Variants in TRIM34 observed in about 807,000 individuals in gnomAD.
TRIM34 encodes the protein tripartite motif containing 34, also known as E3 ubiquitin-protein ligase TRIM34.
TRIM34 carries 41 observed loss-of-function variants against 38.1 expected under a neutral mutation model. That is an observed-to-expected ratio of 1.08 (90% CI 0.84 to 1.40). The LOEUF (loss-of-function observed/expected upper bound fraction) is 1.40, where lower values mean the gene tolerates loss of function less well. TRIM34 is among the 40% of genes most tolerant of loss of function. The pLI is 0.00. For synonymous variants in TRIM34, 200 were observed against 202.5 expected (o/e 0.99, Z 0.10); for missense variants, 556 against 571.4 (o/e 0.97, Z 0.27).
At position 5,632,585 on chromosome 11, in the gene TRIM34, A is replaced by C; in HGVS notation, c.254A>C (p.Lys85Thr). The C allele has an allele frequency of 1.2e-6, 2 of 1,613,864 alleles. No individual in the cohort carries two copies. The highest frequency in any genetic ancestry group is 1.7e-6 in the Non-Finnish European group (2 of 1,179,968). Residue 85 changes from lysine (K) to threonine (T), a missense_variant, in exon 2 of 8, where the codon AAG (lysine) becomes ACG (threonine). By Grantham distance (78) the Lys-to-Thr change is moderately conservative. Transcript: ENST00000429814. Reference protein sequence around the residue: ...ANIVERLKEVKLSPDNGKKRD... With the variant: ...ANIVERLKEVTLSPDNGKKRD... Reference sequence around the variant, plus strand: ...ATAGTGGAGAGACTCAAGGAGGTCAAGTTGAGCCCAGACAATGGGAAGAAG... The same window carrying C: ...ATAGTGGAGAGACTCAAGGAGGTCACGTTGAGCCCAGACAATGGGAAGAAG...
intron 4 of TRIM34, among the ~76,000 whole-genome samples, chr11:5,635,546 G>A (rs1321783476): frequency 1.3e-5 from 2 of 152,078 alleles, no homozygotes; most frequent in Non-Finnish European, 2.9e-5. Flanking sequence ...CTGACCCACC[G>A]CACCCAGCCC....
At chr11:5,641,714 G>A (rs568762465) in intron 5 of TRIM34, among the ~76,000 whole-genome samples, 1 of 152,260 alleles carries the variant, frequency 6.6e-6, no homozygotes, top group South Asian at 2.1e-4. Flanking sequence ...ATTAATCTCT[G>A]CCAGTTCACA....
chr11:5,621,871 C>T (rs748705643), upstream of TRIM34, among the ~76,000 whole-genome samples: 2 of 152,060 alleles, frequency 1.3e-5, no homozygotes, highest in Admixed American at 6.6e-5. Context: ...CAGATGGAAC[C>T]AATGTACATC....
At chr11:5,636,570 A>G (rs139052229) in intron 4 of TRIM34, among the ~76,000 whole-genome samples, 1 of 152,286 alleles carries the variant, frequency 6.6e-6, no homozygotes, top group Non-Finnish European at 1.5e-5. Context: ...GCCCTTTTTT[A>G]TGGTTCTTCC....
chr11:5,634,079 C>T (rs910048763), intron 3 of TRIM34, among the ~76,000 whole-genome samples, 180 bp downstream of exon 3: 3 of 152,212 alleles, frequency 2.0e-5, no homozygotes, highest in African/African-American at 7.2e-5. Context: ...TACAATTACA[C>T]ATACATACCT....
chr11:5,639,901 A>C (rs1409752802), intron 4 of TRIM34, among the ~76,000 whole-genome samples: 2 of 152,172 alleles, frequency 1.3e-5, no homozygotes, highest in Non-Finnish European at 2.9e-5. Context: ...ACAGGTATAC[A>C]ATGCATAATA....
At chr11:5,634,910 G>C (rs760063922) in intron 4 of TRIM34, 49 bp downstream of exon 4, 1 of 1,574,326 alleles carries the variant, frequency 6.4e-7, no homozygotes, top group East Asian at 2.3e-5. Context: ...GTTCCCTCCT[G>C]TGTCCTTGCG....
At position 5,633,806 on chromosome 11, in the gene TRIM34, G is replaced by A. The variant is rs61758097; in HGVS notation, c.426G>A (p.Glu142=). The change falls in exon 3 of 8, where the codon GAG becomes GAA. Residue 142 remains glutamate (E), a splice_region_variant and synonymous_variant. Coordinates refer to ENST00000429814, the MANE Select transcript of TRIM34 (RefSeq NM_021616.6). The part of the protein sequence containing the change: ...LTEEVFKECQ[E]KLQAVLKRLK... ...GTAGTGTGATTCCCTTCTCATAGGA[G>A]AAACTCCAGGCAGTCCTCAAGAGGC... The A allele has an allele frequency of 1.2e-6, 2 of 1,613,482 alleles. No individual in the cohort carries two copies. The highest frequency in any genetic ancestry group is 2.2e-5 in the East Asian group (1 of 44,826).
At chr11:5,637,549 G>A (rs189001014) in intron 4 of TRIM34, among the ~76,000 whole-genome samples, 3 of 152,218 alleles carry the variant, frequency 2.0e-5, no homozygotes, top group African/African-American at 7.2e-5. Flanking sequence ...AGCTAAATGA[G>A]GGAAAGAAGA....
rs140744554 is a variant in TRIM34 at position 5,631,673 on chromosome 11, G to A, written c.-77-582G>A. ...TGGAAACCACATCTGGGGTTCTAAA[G>A]TTCAGCTATTGAAGAATTTCCAAAT... On this transcript the variant is annotated intron_variant, in intron 1 of 7. Transcript: ENST00000429814. Among the ~76,000 whole-genome samples, 440 of 152,280 alleles carry A rather than the reference G, an allele frequency of 2.9e-3. 2 individuals are homozygous for A. The highest frequency in any genetic ancestry group is 9.5e-3 in the African/African-American group (393 of 41,564).
intron 1 of TRIM34, among the ~76,000 whole-genome samples, chr11:5,629,277 A>C (rs1027125665): frequency 6.8e-6 from 1 of 147,112 alleles, no homozygotes; most frequent in Admixed American, 6.7e-5. Flanking sequence ...ACTCCATCTC[A>C]AAAAAAAACA....
upstream of TRIM34, chr11:5,624,998 C>A (rs1849138185): frequency 6.6e-6 from 1 of 152,220 alleles, no homozygotes; most frequent in African/African-American, 2.4e-5. Flanking sequence ...GAATCCTGAC[C>A]ACACCCACCC....
intron 1 of TRIM34, among the ~76,000 whole-genome samples, chr11:5,626,060 C>G (rs1590153425): frequency 6.6e-6 from 1 of 152,218 alleles, no homozygotes; most frequent in Non-Finnish European, 1.5e-5. Context: ...GGCCTCTGCT[C>G]TCACCCTTCA....
chr11:5,628,259 G>A (rs939120459), intron 1 of TRIM34, among the ~76,000 whole-genome samples: 3 of 152,146 alleles, frequency 2.0e-5, no homozygotes, highest in Non-Finnish European at 4.4e-5. Flanking sequence ...GGAGCCCCCC[G>A]GTATTTCTAA....
At position 5,640,915 on chromosome 11, in the gene TRIM34, T is replaced by C. The variant is rs79707533; in HGVS notation, c.751-252T>C. On this transcript the variant is annotated intron_variant, in intron 4 of 7. Transcript: ENST00000429814. ...AGGAATTTGTCTGTTTCATTAAGAT[T>C]ATCTAATTTGTTGGCATACAGTTGC... Among the ~76,000 whole-genome samples the C allele has an allele frequency of 9.9e-3, 1,344 of 136,372 alleles. 11 individuals are homozygous for C. The highest frequency in any genetic ancestry group is 0.015 in the Non-Finnish European group (985 of 64,056). 89.5% of individuals were successfully genotyped at this position (136,372 alleles called of 152,430 possible).
chr11:5,632,415 A>G lies in TRIM34; in HGVS notation c.84A>G (p.Leu28=). ...CLELLTEPLS[L]DCGHSLCRAC... Reference sequence around the variant, plus strand: ...AGCTGTTGACAGAACCCTTGAGTCTAGACTGTGGCCACAGCCTCTGCCGAG... The same window carrying G: ...AGCTGTTGACAGAACCCTTGAGTCTGGACTGTGGCCACAGCCTCTGCCGAG... Residue 28 remains leucine (L), a synonymous_variant, in exon 2 of 8, where the codon CTA becomes CTG. Coordinates refer to ENST00000429814, the MANE Select transcript of TRIM34 (RefSeq NM_021616.6). The G allele has an allele frequency of 1.9e-6, 3 of 1,614,124 alleles. No individual in the cohort carries two copies. In the African/African-American group the frequency reaches 4.0e-5, roughly 22 times the overall value.
chr11:5,643,653 T>C lies in TRIM34; in HGVS notation c.1411T>C (p.Tyr471His), dbSNP rs1257574045. The C allele has an allele frequency of 6.2e-7, 1 of 1,613,888 alleles. No homozygotes were observed. The highest frequency in any genetic ancestry group is 1.7e-5 in the Admixed American group (1 of 59,996). Residue 471 changes from tyrosine (Y) to histidine (H), a missense_variant, in exon 8 of 8, where the codon TAT becomes CAT. Physicochemically the swap from Tyr to His is moderately conservative, Grantham distance 83 (BLOSUM62 2). Transcript: ENST00000429814. Reference sequence around the variant, plus strand: ...TTGCTTTTCTCAGCCTGTTTATCCATATTTCAATCCTTGGAACTGTCCAGC... The same window carrying C: ...TTGCTTTTCTCAGCCTGTTTATCCACATTTCAATCCTTGGAACTGTCCAGC... ...KCCFSQPVYP[Y>H]FNPWNCPAPM...
At chr11:5,631,110 T>G (rs1174098699) in intron 1 of TRIM34, among the ~76,000 whole-genome samples, 1 of 152,224 alleles carries the variant, frequency 6.6e-6, no homozygotes, top group Non-Finnish European at 1.5e-5. Context: ...ATCTGTGATC[T>G]ATGTGTAATT....
In TRIM34 at chr11:5,643,837, G is replaced by T; in HGVS notation, c.*128G>T. The T allele has an allele frequency of 2.4e-6, 3 of 1,258,090 alleles. No homozygotes were observed. The highest frequency in any genetic ancestry group is 3.3e-6 in the Non-Finnish European group (3 of 918,032). 77.9% of individuals were successfully genotyped at this position (1,258,090 alleles called of 1,614,324 possible). ...TAGAACTTTTACTCATCCTTGAGAT[G>T]TATGGTGTATTTGGCTTGAGTTATG... On this transcript the variant is annotated 3_prime_UTR_variant, in exon 8 of 8. Transcript: ENST00000429814.
Sources: gnomAD v4.1 joint callset for allele counts (sites outside exome capture counted in the v4.1 genomes callset) on GRCh38, gnomAD v4.1.1 for gene constraint, MANE v1.5 for transcripts, NCBI Gene and HGNC (gene_info 2026-07-23, HGNC 2026-07-21) for gene names.